Variants in GRIK2 observed in about 807,000 individuals in gnomAD.
GRIK2 encodes the protein glutamate receptor ionotropic, kainate 2.
A neutral mutation model predicts 100.3 loss-of-function variants in GRIK2; 32 were observed. That is an observed-to-expected ratio of 0.32 (90% confidence interval 0.24 to 0.43). GRIK2 has a LOEUF of 0.43. Ranked by LOEUF, GRIK2 falls within the 20% of genes least tolerant of loss-of-function variation. GRIK2 has a pLI of 1.00. For synonymous variants in GRIK2, 417 were observed against 389.4 expected, an observed-to-expected ratio of 1.07 and a Z score of -0.83; for missense variants, 843 against 1,114.9, an observed-to-expected ratio of 0.76 and a Z score of 3.47.
At chr6:101,795,355 G>A (rs1780223478) in intron 7 of GRIK2, among the ~76,000 whole-genome samples, 1 of 152,172 alleles carries the variant, frequency 6.6e-6, no homozygotes, top group Admixed American at 6.5e-5. Context: ...TATTAGTGGA[G>A]ACTGTGTTGA....
intron 10 of GRIK2, among the ~76,000 whole-genome samples, chr6:101,845,413 G>A (rs1218991312): frequency 3.9e-5 from 6 of 152,150 alleles, no homozygotes; most frequent in Admixed American, 3.9e-4. Context: ...ATCATGTACT[G>A]TGTGGCTTTT....
At chr6:102,008,964 C>T (rs949938927) in intron 14 of GRIK2, among the ~76,000 whole-genome samples, 6 of 151,730 alleles carry the variant, frequency 4.0e-5, no homozygotes, top group Non-Finnish European at 7.4e-5. Context: ...TTTTTAGTGT[C>T]GTTAAGTAAC....
At chr6:101,558,270 G>A (rs1776839353) in intron 2 of GRIK2, among the ~76,000 whole-genome samples, 1 of 151,846 alleles carries the variant, frequency 6.6e-6, no homozygotes. Context: ...AGGCCTTCGG[G>A]TTTAGAAGAT....
chr6:102,046,045 A>T (rs1376954069), intron 15 of GRIK2, among the ~76,000 whole-genome samples: 1 of 152,084 alleles, frequency 6.6e-6, no homozygotes, highest in African/African-American at 2.4e-5. Flanking sequence ...GTCAGCAGGG[A>T]TGGCTATACT....
At chr6:101,947,933 A>C (rs1791377014) in intron 14 of GRIK2, among the ~76,000 whole-genome samples, 1 of 152,146 alleles carries the variant, frequency 6.6e-6, no homozygotes, top group African/African-American at 2.4e-5. Flanking sequence ...ATACCTGATT[A>C]GGTCTAATGA....
At chr6:101,949,526 C>T (rs967605021) in intron 14 of GRIK2, among the ~76,000 whole-genome samples, 4 of 152,014 alleles carry the variant, frequency 2.6e-5, no homozygotes, top group African/African-American at 4.8e-5. Context: ...CATCCCCAAC[C>T]GGCCCCAGTG....
chr6:101,950,552 C>G (rs986094978), intron 14 of GRIK2, among the ~76,000 whole-genome samples: 5 of 152,110 alleles, frequency 3.3e-5, no homozygotes, highest in African/African-American at 1.2e-4. Flanking sequence ...AAGCAGCCCC[C>G]TTTTTAGGGC....
At chr6:101,820,586 C>T (rs1218489320) in intron 10 of GRIK2, among the ~76,000 whole-genome samples, 1 of 152,106 alleles carries the variant, frequency 6.6e-6, no homozygotes, top group Non-Finnish European at 1.5e-5. Context: ...GCTGGGACTA[C>T]AGGCGCGCTA....
intron 4 of GRIK2, among the ~76,000 whole-genome samples, chr6:101,638,204 C>T (rs1045385310): frequency 2.0e-5 from 3 of 149,832 alleles, no homozygotes; most frequent in Non-Finnish European, 3.0e-5. Context: ...ACTTTATTTA[C>T]TCCACAAGTA....
chr6:101,709,813 C>T (rs2128358319), intron 7 of GRIK2, among the ~76,000 whole-genome samples: 1 of 151,818 alleles, frequency 6.6e-6, no homozygotes, highest in East Asian at 2.0e-4. Context: ...TGGCTAACCT[C>T]TTATCTCTCA....
intron 7 of GRIK2, among the ~76,000 whole-genome samples, chr6:101,767,105 A>G (rs953046720): frequency 1.1e-4 from 17 of 152,196 alleles, no homozygotes; most frequent in Non-Finnish European, 2.9e-5. Context: ...TAAACATTGA[A>G]TACTATCTAG....
chr6:101,644,501 C>A lies in GRIK2; in HGVS notation c.541+17864C>A, dbSNP rs926710818. The stretch of plus-strand genomic sequence containing the variant: ...AATCAGAGCATATAACCATATAAGA[C>A]TAAAGTAGGTTAGTCACCAGCAGCC... On this transcript the variant is annotated intron_variant, in intron 4 of 16. Coordinates refer to ENST00000369134, the MANE Select transcript of GRIK2 (RefSeq NM_021956.5). Among the ~76,000 whole-genome samples the A allele has an allele frequency of 2.0e-5, 3 of 151,658 alleles. No homozygotes were observed. In the South Asian group the frequency reaches 6.2e-4, roughly 32 times the overall value.
At chr6:101,411,530 G>A (rs995339835) in intron 2 of GRIK2, among the ~76,000 whole-genome samples, 1 of 151,994 alleles carries the variant, frequency 6.6e-6, no homozygotes, top group African/African-American at 2.4e-5. Context: ...ACAAAATAAA[G>A]ATCTCACACA....
intron 2 of GRIK2, among the ~76,000 whole-genome samples, chr6:101,532,713 A>G (rs764607285): frequency 2.3e-4 from 35 of 151,770 alleles, no homozygotes; most frequent in Non-Finnish European, 4.0e-4. Flanking sequence ...ATATATGTAT[A>G]TATATATAAT....
chr6:101,429,677 TTTTTCTTTTTTTCTG>T (rs1372491975), intron 2 of GRIK2, among the ~76,000 whole-genome samples: 1 of 152,064 alleles, frequency 6.6e-6, no homozygotes. Context: ...GGAGAGGGTT[TTTTTCTTTTTTTCTG>T]TTTTCTTTTT....
intron 2 of GRIK2, among the ~76,000 whole-genome samples, chr6:101,540,494 C>T (rs1775933427): frequency 6.6e-6 from 1 of 151,892 alleles, no homozygotes. Flanking sequence ...TGAATCAAAA[C>T]ATCTCATGTA....
intron 16 of GRIK2, among the ~76,000 whole-genome samples, chr6:102,067,683 A>T (rs573438349): frequency 1.3e-5 from 2 of 152,002 alleles, no homozygotes; most frequent in East Asian, 3.9e-4. Flanking sequence ...GCTCTCAGTT[A>T]TCAAGCTAAT....
intron 2 of GRIK2, among the ~76,000 whole-genome samples, chr6:101,456,111 G>A (rs1462362959): frequency 6.7e-6 from 1 of 150,150 alleles, no homozygotes; most frequent in Non-Finnish European, 1.5e-5. Flanking sequence ...GCAGGAATTG[G>A]GACAGATTTT....
At chr6:101,579,311 A>T (rs1777939568) in intron 2 of GRIK2, among the ~76,000 whole-genome samples, 1 of 152,170 alleles carries the variant, frequency 6.6e-6, no homozygotes, top group African/African-American at 2.4e-5. Context: ...TCTTTTCATA[A>T]TACCATAATA....
Sources: gnomAD v4.1 joint callset for allele counts (sites outside exome capture counted in the v4.1 genomes callset) on GRCh38, gnomAD v4.1.1 for gene constraint, MANE v1.5 for transcripts, NCBI Gene and HGNC (gene_info 2026-07-23, HGNC 2026-07-21) for gene names.